The following NREP variants were observed in gnomAD, a reference collection of about 807,000 sequenced individuals.
NREP encodes neuronal regeneration-related protein.
NREP carries 5 observed loss-of-function variants against 8.6 expected under a neutral mutation model. That is an observed-to-expected ratio of 0.58 (90% CI 0.30 to 1.22). NREP has a LOEUF of 1.22. NREP is among the 50% of genes most tolerant of loss of function. The pLI is 0.07. For synonymous variants in NREP, 27 were observed against 28.0 expected (o/e 0.96, Z 0.11); for missense variants, 86 against 82.5 (o/e 1.04, Z -0.17).
chr5:111,753,374 GATAT>G (rs1342237009), intron 2 of NREP, among the ~76,000 whole-genome samples: 2 of 145,954 alleles, frequency 1.4e-5, no homozygotes, highest in African/African-American at 2.5e-5. Flanking sequence ...ATGATATGTA[GATAT>G]ATATAGATTA....
chr5:111,893,613 G>A (rs1754443082), intron 2 of NREP, among the ~76,000 whole-genome samples: 1 of 150,022 alleles, frequency 6.7e-6, no homozygotes, highest in African/African-American at 2.4e-5. Flanking sequence ...TCTATCTTAA[G>A]GGTTAAATAT....
Position 111,730,102 on chromosome 5 carries a change from T to C in NREP, c.*819A>G, listed in dbSNP as rs1425635585. The C allele has an allele frequency of 6.6e-6, 1 of 152,494 alleles. No individual in the cohort carries two copies. Among genetic ancestry groups the C allele is most frequent in the East Asian group, 1.9e-4 (1 of 5,186 alleles). The allele number at this position is 152,494 out of a possible 1,614,324, so 9.4% of individuals were successfully genotyped here. A position where few individuals can be genotyped will look rare whatever the true frequency, so the allele number is the denominator to read the frequency against. ...GAGATTTGGTAAGTAAATTACAGTT[T>C]TGTGATTGCTCCCGCTACCGTGACT... On this transcript the variant is annotated 3_prime_UTR_variant, in exon 4 of 4. Transcript: ENST00000257435.
intron 2 of NREP, among the ~76,000 whole-genome samples, chr5:111,909,339 G>GT (rs1754853693): frequency 1.3e-5 from 2 of 152,158 alleles, no homozygotes; most frequent in South Asian, 4.1e-4. Context: ...TTAACCAATG[G>GT]TTTAAGACAT....
At chr5:111,834,042 C>T (rs938190937) in intron 2 of NREP, among the ~76,000 whole-genome samples, 4 of 152,196 alleles carry the variant, frequency 2.6e-5, no homozygotes, top group Admixed American at 6.6e-5. Flanking sequence ...TCTCCTGTAA[C>T]ATCAGCCTAC....
intron 2 of NREP, among the ~76,000 whole-genome samples, chr5:111,935,379 A>C (rs1174544684): frequency 6.6e-6 from 1 of 152,092 alleles, no homozygotes; most frequent in Non-Finnish European, 1.5e-5. Context: ...AGGCACAAAG[A>C]AACAGGAAAT....
intron 2 of NREP, among the ~76,000 whole-genome samples, chr5:111,801,479 T>C (rs565071838): frequency 2.0e-5 from 3 of 152,334 alleles, no homozygotes; most frequent in African/African-American, 7.2e-5. Context: ...GATGGTGACA[T>C]AGAAAAAAGA....
intron 2 of NREP, among the ~76,000 whole-genome samples, chr5:111,845,371 G>C (rs931271797): frequency 2.6e-5 from 4 of 150,966 alleles, no homozygotes; most frequent in African/African-American, 9.8e-5. Flanking sequence ...TGCATAAATT[G>C]TTCAAATTGA....
rs374939606 is a variant in NREP at position 111,777,809 on chromosome 5, A to G, written c.136-42302T>C. Among the ~76,000 whole-genome samples the G allele has an allele frequency of 1.8e-4, 27 of 152,216 alleles. 1 individual carries two copies. The highest frequency in any genetic ancestry group is 1.2e-3 in the East Asian group (6 of 5,180). ...TATCACAGTTATACTTTGTATAACTAAAGTATGGCCAGGTCCCAATTGTAT... is the reference window on the plus strand; with the variant it reads ...TATCACAGTTATACTTTGTATAACTGAAGTATGGCCAGGTCCCAATTGTAT... On this transcript the variant is annotated intron_variant, in intron 2 of 3. Coordinates refer to the NREP transcript ENST00000395634.
chr5:111,913,100 A>G (rs575212495), intron 2 of NREP, among the ~76,000 whole-genome samples: 2 of 152,226 alleles, frequency 1.3e-5, no homozygotes, highest in African/African-American at 4.8e-5. Flanking sequence ...ATTTTACAGC[A>G]CAACAAAAGT....
chr5:111,879,760 A>G (rs2112511256), intron 2 of NREP, among the ~76,000 whole-genome samples: 1 of 152,346 alleles, frequency 6.6e-6, no homozygotes, highest in South Asian at 2.1e-4. Flanking sequence ...AGCTTTGGTG[A>G]GAGTTCCTTC....
upstream of NREP, among the ~76,000 whole-genome samples, chr5:111,759,050 T>C (rs1263988338): frequency 4.6e-5 from 7 of 152,224 alleles, no homozygotes; most frequent in East Asian, 1.3e-3. Context: ...CAAATTCCCT[T>C]GACCCTTTCA....
Position 111,965,358 on chromosome 5 carries a change from C to A in NREP, c.135+9916G>T, listed in dbSNP as rs115931753. On this transcript the variant is annotated intron_variant, in intron 2 of 3. Coordinates refer to the NREP transcript ENST00000395634. ...CACACTCAGAGCCTGAAGAGAGGCC[C>A]CTTCCCTGAGCACCTAAATTATTGG... is the stretch of plus-strand genomic sequence containing the variant. Among the ~76,000 whole-genome samples the A allele has an allele frequency of 6.2e-3, 950 of 152,200 alleles. 6 individuals are homozygous for A. Among genetic ancestry groups the A allele is most frequent in the Admixed American group, 8.1e-3 (124 of 15,286 alleles).
chr5:111,859,303 T>C (rs1159393065), intron 2 of NREP, among the ~76,000 whole-genome samples: 1 of 152,134 alleles, frequency 6.6e-6, no homozygotes, highest in Non-Finnish European at 1.5e-5. Context: ...TAGTTGTAGC[T>C]AGCCAAAAAA....
chr5:111,844,964 C>G (rs1456700064), intron 2 of NREP, among the ~76,000 whole-genome samples: 3 of 151,616 alleles, frequency 2.0e-5, no homozygotes, highest in African/African-American at 7.3e-5. Context: ...ATATATAAAG[C>G]CTGGGTTCAT....
At chr5:111,862,620 C>T (rs1753575033) in intron 2 of NREP, among the ~76,000 whole-genome samples, 1 of 151,960 alleles carries the variant, frequency 6.6e-6, no homozygotes, top group South Asian at 2.1e-4. Context: ...AATCATAGTC[C>T]AGAAGAAGAT....
intron 2 of NREP, among the ~76,000 whole-genome samples, chr5:111,768,637 T>C (rs943188215): frequency 1.3e-5 from 2 of 152,228 alleles, no homozygotes; most frequent in Non-Finnish European, 2.9e-5. Context: ...TGTTCCTGCA[T>C]TAATTTGCTT....
chr5:111,774,974 T>C (rs1235450954), intron 2 of NREP, among the ~76,000 whole-genome samples: 2 of 152,160 alleles, frequency 1.3e-5, no homozygotes, highest in Non-Finnish European at 2.9e-5. Flanking sequence ...AAGATTCTAA[T>C]GGGGGAAAAA....
chr5:111,734,548 T>C (rs1342752397), intron 3 of NREP: 1 of 443,218 alleles, frequency 2.3e-6, no homozygotes, highest in Non-Finnish European at 4.0e-6. Flanking sequence ...AAACTGCCAG[T>C]TGATACAACC....
At chr5:111,809,666 C>T (rs1752224272) in intron 2 of NREP, among the ~76,000 whole-genome samples, 2 of 152,140 alleles carry the variant, frequency 1.3e-5, no homozygotes, top group African/African-American at 4.8e-5. Flanking sequence ...TGATGCAGCA[C>T]AGTAAGCCCT....
Sources: allele counts gnomAD v4.1 joint callset (sites outside exome capture counted in the v4.1 genomes callset), GRCh38; gene constraint gnomAD v4.1.1; transcripts MANE v1.5; gene names NCBI Gene and HGNC (gene_info 2026-07-23, HGNC 2026-07-21).